CRMP1: variants seen among roughly 807,000 people sequenced by gnomAD.
CRMP1 encodes collapsin response mediator protein 1.
A neutral mutation model predicts 68.3 loss-of-function variants in CRMP1; 19 were observed. That is an observed-to-expected ratio of 0.28 (90% confidence interval 0.19 to 0.41). CRMP1 has a LOEUF of 0.41. Ranked by LOEUF, CRMP1 falls within the 10% of genes least tolerant of loss-of-function variation. CRMP1 has a pLI of 1.00. For missense variants in CRMP1, 791 were observed against 967.4 expected (o/e 0.82, Z 2.42); for synonymous variants, 439 against 399.6 (o/e 1.10, Z -1.18).
chr4:5,851,380 G>A, intron 5 of CRMP1, 28 bp downstream of exon 5: 1 of 1,607,678 alleles, frequency 6.2e-7, no homozygotes. Context: ...CCAGACAAGA[G>A]AGGAGAGAGT....
At chr4:5,823,968 T>C (rs1196344774) in intron 13 of CRMP1, among the ~76,000 whole-genome samples, 2 of 152,190 alleles carry the variant, frequency 1.3e-5, no homozygotes, top group Non-Finnish European at 2.9e-5. Context: ...CCAAATGAAG[T>C]CACCTATCAA....
In CRMP1 at chr4:5,851,943, GAGA is replaced by G. The variant is rs760026291; in HGVS notation, c.821-477_821-475del. 4.5e-3 allele frequency among the ~76,000 whole-genome samples: 664 copies of G among 146,474 alleles called. 5 individuals carry two copies. The highest frequency in any genetic ancestry group is 0.024 in the South Asian group (107 of 4,378). On this transcript the variant is annotated intron_variant, in intron 4 of 13. Transcript: ENST00000324989. The stretch of plus-strand genomic sequence containing the variant: ...AGAAGAGGAAGAGGAGGAAGAGGAG[GAGA>G]AAGGGAGAAGAAGGAGGAAGAGGAA...
In CRMP1 at chr4:5,851,456, G is replaced by A. The variant is rs1712611877; in HGVS notation, c.834C>T (p.Phe278=). 1 of 1,614,140 alleles carries A rather than the reference G, an allele frequency of 6.2e-7. No homozygotes were observed. Among genetic ancestry groups the A allele is most frequent in the Non-Finnish European group, 8.5e-7 (1 of 1,179,984 alleles). The change falls in exon 5 of 14, where the codon TTC becomes TTT. Residue 278 remains phenylalanine, a synonymous_variant. Coordinates refer to ENST00000324989, the MANE Select transcript of CRMP1 (RefSeq NM_001014809.3). The part of the protein sequence containing the change: ...VLVQDKGVNS[F]QVYMAYKDVY... ...CATCCTTATAGGCCATGTAGACTTG[G>A]AAGGAATTGACGCCTGTTTCAAGAT...
Position 5,891,312 on chromosome 4 carries a change from C to T in CRMP1, c.381+1277G>A, listed in dbSNP as rs1415608326. ...CGCGAAGGGATGGGGCCCGAAGAGG[C>T]CCACCACCGTGTTTACCAGTTCCCT... On this transcript the variant is annotated intron_variant, in intron 1 of 13. Coordinates refer to ENST00000324989, the MANE Select transcript of CRMP1 (RefSeq NM_001014809.3). This position sits in a 1 kb window ranked among gnomAD's most constrained non-coding sequence, Gnocchi z 5.2. Among the ~76,000 whole-genome samples the T allele has an allele frequency of 6.6e-6, 1 of 152,008 alleles. No homozygotes were observed. The highest frequency in any genetic ancestry group is 1.5e-5 in the Non-Finnish European group (1 of 68,002).
At chr4:5,844,076 G>A (rs1274984375) in intron 6 of CRMP1, among the ~76,000 whole-genome samples, 2 of 152,210 alleles carry the variant, frequency 1.3e-5, no homozygotes, top group South Asian at 2.1e-4. Context: ...CATGAACCCT[G>A]GGCCTCATCA....
In CRMP1 at chr4:5,883,661, C is replaced by CACACACACACACAT. The variant is rs1715376441; in HGVS notation, c.381+8927_381+8928insATGTGTGTGTGTGT. Among the ~76,000 whole-genome samples, 2 of 151,850 alleles carry CACACACACACACAT rather than the reference C, an allele frequency of 1.3e-5. No individual in the cohort carries two copies. The highest frequency in any genetic ancestry group is 2.1e-4 in the South Asian group (1 of 4,760). ...CAAGATAATTAAGGTCAGGGACACACACACACACACACACACACATGCTTG... is the reference window on the plus strand; with the variant it reads ...CAAGATAATTAAGGTCAGGGACACACACACACACACACATACACACACACACACACACATGCTTG... On this transcript the variant is annotated intron_variant, in intron 1 of 13. Coordinates refer to ENST00000324989, the MANE Select transcript of CRMP1 (RefSeq NM_001014809.3). The surrounding 1 kb of genome is among the most constrained non-coding windows in gnomAD (Gnocchi z 4.5).
In CRMP1 at chr4:5,866,929, T is replaced by C. The variant is rs1293363568; in HGVS notation, c.382-173A>G. Among the ~76,000 whole-genome samples the C allele has an allele frequency of 1.3e-5, 2 of 152,166 alleles. No homozygotes were observed. Among genetic ancestry groups the C allele is most frequent in the African/African-American group, 2.4e-5 (1 of 41,440 alleles). On this transcript the variant is annotated intron_variant, in intron 1 of 13. Transcript: ENST00000324989. This position sits in a 1 kb window ranked among gnomAD's most constrained non-coding sequence, Gnocchi z 5.9. ...TACTTCTCTATCCAATACTTCCTAT[T>C]CTCCTTTCACCTTTCTCCCCTCTCA...
rs1439774021 is a variant in CRMP1, at chr4:5,888,333, C to T, written c.381+4256G>A. 4 of 1,238,040 alleles carry T rather than the reference C, an allele frequency of 3.2e-6. No homozygotes were observed. The highest frequency in any genetic ancestry group is 4.1e-6 in the Non-Finnish European group (4 of 986,190). The allele number at this position is 1,238,040 out of a possible 1,614,324, so 76.7% of individuals were successfully genotyped here. The stretch of plus-strand genomic sequence containing the variant: ...GCTGTCTGACTGGAACCGGCGCTCT[C>T]GGCCCCGCTCCCAGCGGGCGCGCTG... On this transcript the variant is annotated intron_variant, in intron 1 of 13. Coordinates refer to ENST00000324989, the MANE Select transcript of CRMP1 (RefSeq NM_001014809.3). The surrounding 1 kb of genome is among the most constrained non-coding windows in gnomAD (Gnocchi z 6.4).
At chr4:5,856,841 C>G (rs1157868921) in intron 3 of CRMP1, among the ~76,000 whole-genome samples, 5 of 150,760 alleles carry the variant, frequency 3.3e-5, no homozygotes, top group Non-Finnish European at 7.4e-5. Context: ...ACTATTATCA[C>G]CACTATCATT....
chr4:5,867,898 GGATA>G (rs925775436), intron 1 of CRMP1, among the ~76,000 whole-genome samples: 38 of 151,780 alleles, frequency 2.5e-4, no homozygotes, highest in African/African-American at 5.3e-4. Flanking sequence ...AGAGGAAGGT[GGATA>G]GATAAACACA....
intron 2 of CRMP1, among the ~76,000 whole-genome samples, chr4:5,862,695 T>A (rs1390920899): frequency 6.6e-6 from 1 of 151,908 alleles, no homozygotes; most frequent in African/African-American, 2.4e-5. Context: ...ACGTGGTGTG[T>A]CTACACATGG....
chr4:5,885,154 C>T (rs1448698706), intron 1 of CRMP1, among the ~76,000 whole-genome samples: 1 of 152,142 alleles, frequency 6.6e-6, no homozygotes, highest in Non-Finnish European at 1.5e-5. Context: ...CCACCATCAT[C>T]GTCAACATGA....
At chr4:5,887,538 G>A in intron 1 of CRMP1, 1 of 985,052 alleles carries the variant, frequency 1.0e-6, no homozygotes, top group South Asian at 4.7e-5. Flanking sequence ...CTTTGTTTCC[G>A]GCCACACCCA....
intron 11 of CRMP1, among the ~76,000 whole-genome samples, chr4:5,830,665 C>G (rs902142119): frequency 1.3e-5 from 2 of 152,184 alleles, no homozygotes; most frequent in Non-Finnish European, 2.9e-5. Context: ...TTCCTTGGCT[C>G]TCTTTTCTTG....
intron 10 of CRMP1, 102 bp from the exon 11 acceptor site, chr4:5,836,187 C>CT: frequency 1.9e-6 from 2 of 1,074,900 alleles, no homozygotes; most frequent in East Asian, 5.8e-5. Flanking sequence ...CCTTGCAAGG[C>CT]TTGGAATTCT....
chr4:5,830,461 G>T (rs1720286189), intron 11 of CRMP1, among the ~76,000 whole-genome samples: 1 of 152,114 alleles, frequency 6.6e-6, no homozygotes, highest in Non-Finnish European at 1.5e-5. Flanking sequence ...AATGTGTGTT[G>T]TATTCTAGTC....
At position 5,872,860 on chromosome 4, in the gene CRMP1, G is replaced by C. The variant is rs1455265829; in HGVS notation, c.382-6104C>G. On this transcript the variant is annotated intron_variant, in intron 1 of 13. Coordinates refer to ENST00000324989, the MANE Select transcript of CRMP1 (RefSeq NM_001014809.3). The surrounding 1 kb of genome is among the most constrained non-coding windows in gnomAD (Gnocchi z 4.6). ...GTTCTTGTGTCAGCACCACTTAAAA[G>C]CAAAACGTCCACACTCAGACAGAGG... 6.6e-6 allele frequency among the ~76,000 whole-genome samples: 1 copy of C among 152,170 alleles called. No homozygotes were observed. The highest frequency in any genetic ancestry group is 1.5e-5 in the Non-Finnish European group (1 of 68,034).
At chr4:5,868,898 C>A (rs980766957) in intron 1 of CRMP1, among the ~76,000 whole-genome samples, 2 of 152,106 alleles carry the variant, frequency 1.3e-5, no homozygotes, top group African/African-American at 2.4e-5. Context: ...ATTCTTTGCA[C>A]GAAAACACTA....
chr4:5,876,026 G>T (rs1469382226), intron 1 of CRMP1, among the ~76,000 whole-genome samples: 1 of 151,818 alleles, frequency 6.6e-6, no homozygotes, highest in Non-Finnish European at 1.5e-5. Context: ...GGTGGCAGGC[G>T]CCTGTAGTCC....
Sources: gnomAD v4.1 joint callset for allele counts (sites outside exome capture counted in the v4.1 genomes callset) on GRCh38, gnomAD v4.1.1 for gene constraint, Gnocchi (gnomAD v3.1) non-coding constraint, MANE v1.5 for transcripts, NCBI Gene and HGNC (gene_info 2026-07-23, HGNC 2026-07-21) for gene names.